The following ICA1 variants were observed in gnomAD, a reference collection of about 807,000 sequenced individuals.
ICA1 encodes the protein islet cell autoantigen 1, also known as 69 kDa islet cell autoantigen.
ICA1 carries 40 observed loss-of-function variants against 71.0 expected under a neutral mutation model. That is an observed-to-expected ratio of 0.56 (90% CI 0.44 to 0.73). The LOEUF is 0.73. Ranked by LOEUF, ICA1 falls within the 30% of genes least tolerant of loss-of-function variation. The pLI is 0.00. For missense variants in ICA1, 578 were observed against 576.5 expected (o/e 1.00, Z -0.03); for synonymous variants, 207 against 209.5 (o/e 0.99, Z 0.10).
chr7:8,136,632 T>C (rs1793524121), intron 12 of ICA1, among the ~76,000 whole-genome samples: 2 of 152,186 alleles, frequency 1.3e-5, no homozygotes, highest in Admixed American at 1.3e-4. Flanking sequence ...GCTGTGTGGG[T>C]TGGCAGTGAG....
At chr7:8,114,335 C>A (rs1784093383) in intron 13 of ICA1, among the ~76,000 whole-genome samples, 1 of 152,180 alleles carries the variant, frequency 6.6e-6, no homozygotes, top group African/African-American at 2.4e-5. Flanking sequence ...GCTGATCAAA[C>A]CCTCGGGCCC....
intron 6 of ICA1, among the ~76,000 whole-genome samples, chr7:8,209,982 G>A (rs929352366): frequency 6.6e-6 from 1 of 152,148 alleles, no homozygotes; most frequent in African/African-American, 2.4e-5. Context: ...GGTTGGGGGA[G>A]GTAGGTCAGA....
chr7:8,139,330 C>G (rs553724335), intron 10 of ICA1, among the ~76,000 whole-genome samples: 1 of 152,302 alleles, frequency 6.6e-6, no homozygotes, highest in South Asian at 2.1e-4. Context: ...ACTTAAGTAA[C>G]TGACTATTAC....
intron 1 of ICA1, among the ~76,000 whole-genome samples, chr7:8,239,115 C>T (rs192576900): frequency 2.2e-4 from 33 of 152,298 alleles, no homozygotes; most frequent in Middle Eastern, 6.8e-3. Context: ...TACATCTGAA[C>T]GCCTCATGAG....
intron 1 of ICA1, among the ~76,000 whole-genome samples, chr7:8,237,997 T>C (rs1456569510): frequency 6.6e-6 from 1 of 152,188 alleles, no homozygotes; most frequent in Non-Finnish European, 1.5e-5. Context: ...GGCAAAGTGA[T>C]ATACACAGGT....
chr7:8,129,661 A>G (rs1013030689), intron 12 of ICA1, among the ~76,000 whole-genome samples: 2 of 152,182 alleles, frequency 1.3e-5, no homozygotes, highest in Admixed American at 1.3e-4. Flanking sequence ...AGATGGGGCA[A>G]ATGGCATTTT....
chr7:8,202,074 A>G (rs1050928820), intron 6 of ICA1, among the ~76,000 whole-genome samples: 8 of 152,340 alleles, frequency 5.3e-5, no homozygotes, highest in Middle Eastern at 3.4e-3. Context: ...GCATCCAAAA[A>G]GAGATGATTT....
intron 1 of ICA1, among the ~76,000 whole-genome samples, chr7:8,261,573 C>T (rs935560821): frequency 5.9e-5 from 9 of 152,124 alleles, no homozygotes; most frequent in African/African-American, 2.2e-4. Flanking sequence ...AAAGAGGTAC[C>T]CATATGCTCT....
intron 3 of ICA1, 81 bp downstream of exon 3, chr7:8,232,509 G>C (rs912451219): frequency 1.7e-6 from 2 of 1,189,324 alleles, no homozygotes; most frequent in East Asian, 5.9e-5. Flanking sequence ...AGCACACCCA[G>C]CTCTGCCTCA....
At position 8,221,346 on chromosome 7, in the gene ICA1, G is replaced by A; in HGVS notation, c.309C>T (p.Phe103=). ...ELGKFLRSQG[F]QDKTRAGKMM... ...TCTTTCCTGCTCTGGTTTTATCTTG[G>A]AAACCTTGGGATCGAAGAAATTTTC... The change falls in exon 5 of 14, where the codon TTC becomes TTT. Residue 103 remains phenylalanine (F), a synonymous_variant. Transcript: ENST00000402384. 6.2e-7 allele frequency: 1 copy of A among 1,613,634 alleles called. No individual in the cohort carries two copies. The highest frequency in any genetic ancestry group is 1.3e-5 in the African/African-American group (1 of 74,964).
intron 1 of ICA1, among the ~76,000 whole-genome samples, chr7:8,259,065 C>A (rs1346573410): frequency 6.6e-6 from 1 of 152,220 alleles, no homozygotes; most frequent in Non-Finnish European, 1.5e-5. Context: ...TGTTGCTTAA[C>A]AGCAGATGAA....
intron 6 of ICA1, among the ~76,000 whole-genome samples, chr7:8,209,506 A>G (rs1027567849): frequency 7.9e-5 from 12 of 152,250 alleles, no homozygotes; most frequent in African/African-American, 2.7e-4. Context: ...TAATACATTT[A>G]TAAGATGCAT....
intron 13 of ICA1, among the ~76,000 whole-genome samples, chr7:8,115,279 G>T (rs1784431396): frequency 6.6e-6 from 1 of 152,122 alleles, no homozygotes. Context: ...TGTGCAATTA[G>T]CCCTGGAATC....
chr7:8,139,021 C>A lies in ICA1; in HGVS notation c.982G>T (p.Ala328Ser). Residue 328 changes from alanine (A) to serine (S), a missense_variant, in exon 11 of 14, where the codon GCC (alanine) becomes TCC (serine). Ala to Ser is a moderately conservative substitution (Grantham distance 99). Coordinates refer to ENST00000402384, the MANE Select transcript of ICA1 (RefSeq NM_001136020.3). Reference sequence around the variant, plus strand: ...GTATGTGTAGAGCCTTTGTCTAAGGCAGATAAAATACTTTTTCCATCTTCA... The same window carrying A: ...GTATGTGTAGAGCCTTTGTCTAAGGAAGATAAAATACTTTTTCCATCTTCA... The part of the protein sequence containing the change: ...KTEDGKSILS[A>S]LDKGSTHTAC... 6.2e-7 allele frequency: 1 copy of A among 1,613,464 alleles called. No homozygotes were observed. The highest frequency in any genetic ancestry group is 1.3e-5 in the African/African-American group (1 of 75,006).
At chr7:8,195,924 G>C (rs1325651664) in intron 6 of ICA1, among the ~76,000 whole-genome samples, 7 of 152,164 alleles carry the variant, frequency 4.6e-5, no homozygotes, top group Non-Finnish European at 8.8e-5. Context: ...GTTGTGGTGA[G>C]CTGAGATCGT....
At position 8,149,043 on chromosome 7, in the gene ICA1, C is replaced by T. The variant is rs112498453; in HGVS notation, c.805-5071G>A. 8.1e-3 allele frequency among the ~76,000 whole-genome samples: 1,228 copies of T among 152,252 alleles called. 11 individuals carry two copies. The highest frequency in any genetic ancestry group is 0.027 in the Middle Eastern group (8 of 294). Reference sequence around the variant, plus strand: ...CATTGAAGTGCTTAACCCTATAGAACGCATAGAAGTCAGGGGTGACAATAT... The same window carrying T: ...CATTGAAGTGCTTAACCCTATAGAATGCATAGAAGTCAGGGGTGACAATAT... On this transcript the variant is annotated intron_variant, in intron 8 of 13. Coordinates refer to ENST00000402384, the MANE Select transcript of ICA1 (RefSeq NM_001136020.3).
intron 13 of ICA1, among the ~76,000 whole-genome samples, chr7:8,115,538 C>G (rs1784527534): frequency 1.3e-5 from 2 of 152,204 alleles, no homozygotes; most frequent in Non-Finnish European, 2.9e-5. Flanking sequence ...TTCTCATGGC[C>G]TTGCCGTGAG....
At chr7:8,245,220 C>T (rs1051932757) in intron 1 of ICA1, among the ~76,000 whole-genome samples, 1 of 152,106 alleles carries the variant, frequency 6.6e-6, no homozygotes, top group Non-Finnish European at 1.5e-5. Context: ...CCATGGAATA[C>T]TATGCAGCCA....
chr7:8,128,156 C>T lies in ICA1; in HGVS notation c.1061-14G>A, dbSNP rs1290941298. 1.9e-6 allele frequency: 3 copies of T among 1,612,006 alleles called. No individual in the cohort carries two copies. Among genetic ancestry groups the T allele is most frequent in the Admixed American group, 1.7e-5 (1 of 59,962 alleles). On this transcript the variant is annotated splice_polypyrimidine_tract_variant and intron_variant, in intron 12 of 13. Transcript: ENST00000402384. ...GTCCCAGGCAAGCTGATTGAAGTAA[C>T]AGAGAACAAAACGTCACCACGGAGG...
Sources: allele counts gnomAD v4.1 joint callset (sites outside exome capture counted in the v4.1 genomes callset), GRCh38; gene constraint gnomAD v4.1.1; transcripts MANE v1.5; gene names NCBI Gene and HGNC (gene_info 2026-07-23, HGNC 2026-07-21).